SFMBT1: variants seen among roughly 807,000 people sequenced by gnomAD.
The protein encoded by SFMBT1 is scm-like with four MBT domains protein 1.
SFMBT1 carries 32 observed loss-of-function variants against 108.7 expected under a neutral mutation model. That is an observed-to-expected ratio of 0.29 (90% CI 0.22 to 0.40). The LOEUF (loss-of-function observed/expected upper bound fraction) is 0.40. Among genes scored for constraint, SFMBT1 ranks in the 10% least tolerant of loss-of-function variants. The probability of loss-of-function intolerance (pLI) is 1.00; values close to 1 mark genes in which losing one functional copy is unlikely to be tolerated. For missense variants in SFMBT1, 816 were observed against 1,059.6 expected (o/e 0.77, Z 3.19); for synonymous variants, 348 against 369.5 (o/e 0.94, Z 0.67).
At chr3:52,959,135 G>A (rs1703879561) in intron 2 of SFMBT1, among the ~76,000 whole-genome samples, 1 of 151,986 alleles carries the variant, frequency 6.6e-6, no homozygotes, top group South Asian at 2.1e-4. Context: ...AAGGGGGACG[G>A]GGGAGGGAGA....
intron 4 of SFMBT1, among the ~76,000 whole-genome samples, chr3:52,940,713 T>A (rs1229866428): frequency 1.3e-5 from 2 of 152,216 alleles, no homozygotes; most frequent in Admixed American, 6.5e-5. Flanking sequence ...GGTTAAAGTG[T>A]GAAGAGTAAT....
chr3:52,950,281 GT>G (rs1390799927), intron 3 of SFMBT1, among the ~76,000 whole-genome samples: 1 of 151,820 alleles, frequency 6.6e-6, no homozygotes, highest in Admixed American at 6.6e-5. Context: ...GTTTTTAGTA[GT>G]TGCCCTAGAG....
At chr3:52,928,156 C>A (rs1445457110) in intron 9 of SFMBT1, 35 bp downstream of exon 9, 2 of 1,593,844 alleles carry the variant, frequency 1.3e-6, no homozygotes, top group Non-Finnish European at 1.7e-6. Flanking sequence ...AGGAGAAGCT[C>A]TCAAGTGACA....
At position 52,945,137 on chromosome 3, in the gene SFMBT1, A is replaced by G. The variant is rs868152719; in HGVS notation, c.124-1544T>C. 4.2e-5 allele frequency among the ~76,000 whole-genome samples: 4 copies of G among 95,990 alleles called. No individual in the cohort carries two copies. The South Asian group carries it at 1.8e-3, about 43-fold the overall frequency. 63.0% of individuals were successfully genotyped at this position (95,990 alleles called of 152,430 possible). On this transcript the variant is annotated intron_variant, in intron 3 of 20. Coordinates refer to ENST00000394752, the MANE Select transcript of SFMBT1 (RefSeq NM_016329.4). ...GATTTCCAAATACCACCTTCCAATT[A>G]AAAAAAAAAAAAAACAAGGACTTCA...
chr3:52,946,071 A>G (rs1703356469), intron 3 of SFMBT1, among the ~76,000 whole-genome samples: 1 of 152,228 alleles, frequency 6.6e-6, no homozygotes, highest in South Asian at 2.1e-4. Flanking sequence ...TTCCTACAAC[A>G]TTATTACCAA....
At chr3:53,033,769 C>CAAAAAAAAAA (rs538122738) in intron 1 of SFMBT1, among the ~76,000 whole-genome samples, 2 of 107,438 alleles carry the variant, frequency 1.9e-5, no homozygotes, top group Non-Finnish European at 2.1e-5. Context: ...CCAAAAAAGA[C>CAAAAAAAAAA]AAAAAAAAAA....
chr3:52,983,162 C>A (rs1322642466), intron 1 of SFMBT1, among the ~76,000 whole-genome samples: 1 of 152,186 alleles, frequency 6.6e-6, no homozygotes, highest in Non-Finnish European at 1.5e-5. Context: ...GACAGCAACA[C>A]CAACCTCTCC....
At chr3:53,026,425 G>A (rs546173513) in intron 1 of SFMBT1, among the ~76,000 whole-genome samples, 106 of 152,212 alleles carry the variant, frequency 7.0e-4, no homozygotes, top group African/African-American at 1.9e-3. Flanking sequence ...GACAGCAAAC[G>A]ACTCACACGT....
chr3:52,999,128 G>A (rs1160695069), intron 1 of SFMBT1, among the ~76,000 whole-genome samples: 2 of 150,914 alleles, frequency 1.3e-5, no homozygotes, highest in African/African-American at 2.4e-5. Flanking sequence ...CAGTACAAAG[G>A]CCGTCATGGA....
At position 52,943,382 on chromosome 3, in the gene SFMBT1, T is replaced by C. The variant is rs1341145887; in HGVS notation, c.335A>G (p.Gln112Arg). The change falls in exon 4 of 21, where the codon CAG becomes CGG. Residue 112 changes from glutamine (Q) to arginine (R), a missense_variant. Gln to Arg is a conservative substitution (Grantham distance 43). Around this residue, in one of 5 missense-constraint regions of SFMBT1, gnomAD observed 495 missense variants for 607.4 expected, o/e 0.81. Coordinates refer to ENST00000394752, the MANE Select transcript of SFMBT1 (RefSeq NM_016329.4). ...ADLYPIGWCE[Q>R]NKKTLEAPEG... is the part of the protein sequence containing the mutation. Reference sequence around the variant, plus strand: ...TGGGGCTTCAAGGGTCTTCTTATTCTGCTCACACCACCCAATGGGGTAGAG... The same window carrying C: ...TGGGGCTTCAAGGGTCTTCTTATTCCGCTCACACCACCCAATGGGGTAGAG... 4 of 1,614,156 alleles carry C rather than the reference T, an allele frequency of 2.5e-6. No individual in the cohort carries two copies. Among genetic ancestry groups the C allele is most frequent in the Non-Finnish European group, 3.4e-6 (4 of 1,180,052 alleles).
At chr3:52,906,923 A>G (rs896952095) in intron 19 of SFMBT1, 146 bp downstream of exon 19, 5 of 973,280 alleles carry the variant, frequency 5.1e-6, no homozygotes, top group Non-Finnish European at 7.3e-6. Context: ...AAATCACTGC[A>G]TTTGGGGTCA....
At chr3:52,906,636 T>C (rs1702071579) in intron 19 of SFMBT1, among the ~76,000 whole-genome samples, 2 of 152,224 alleles carry the variant, frequency 1.3e-5, no homozygotes, top group African/African-American at 4.8e-5. Flanking sequence ...AAATTGTTCT[T>C]TAGTGTTATA....
At chr3:52,972,489 A>T (rs916341586) in intron 1 of SFMBT1, among the ~76,000 whole-genome samples, 2 of 152,200 alleles carry the variant, frequency 1.3e-5, no homozygotes, top group African/African-American at 4.8e-5. Context: ...GGCGCTTAGT[A>T]TATGAAAATT....
At chr3:52,991,860 T>A (rs765720126) in intron 1 of SFMBT1, among the ~76,000 whole-genome samples, 3 of 152,166 alleles carry the variant, frequency 2.0e-5, no homozygotes, top group Admixed American at 6.5e-5. Flanking sequence ...TTTGGACTTC[T>A]CAGACTCCAG....
chr3:52,998,138 G>A lies in SFMBT1; in HGVS notation c.-130-28880C>T, dbSNP rs375248220. The stretch of plus-strand genomic sequence containing the variant: ...CATAAGAAAAAATGTAGATCAGGTC[G>A]GGCACGGTGGCTCACGCCTGTAATC... On this transcript the variant is annotated intron_variant, in intron 1 of 20. Coordinates refer to ENST00000394752, the MANE Select transcript of SFMBT1 (RefSeq NM_016329.4). Among the ~76,000 whole-genome samples, 42 of 150,310 alleles carry A rather than the reference G, an allele frequency of 2.8e-4. 2 individuals are homozygous for A. The East Asian group carries it at 5.1e-3, about 18-fold the overall frequency.
chr3:52,960,864 C>T (rs374316824), intron 2 of SFMBT1, among the ~76,000 whole-genome samples: 2 of 152,134 alleles, frequency 1.3e-5, no homozygotes, highest in African/African-American at 2.4e-5. Context: ...TGGCCGGGTG[C>T]GGTGGCTCAT....
intron 1 of SFMBT1, among the ~76,000 whole-genome samples, chr3:52,977,351 A>T (rs182691356): frequency 3.9e-5 from 6 of 152,290 alleles, no homozygotes; most frequent in Admixed American, 3.9e-4. Context: ...TCTACTAAAA[A>T]TACAAAAAGA....
At chr3:53,027,072 C>A (rs1699519122) in intron 1 of SFMBT1, among the ~76,000 whole-genome samples, 1 of 152,164 alleles carries the variant, frequency 6.6e-6, no homozygotes, top group African/African-American at 2.4e-5. Context: ...CATGACCCAC[C>A]ATGCCCAACA....
intron 13 of SFMBT1, among the ~76,000 whole-genome samples, chr3:52,917,403 C>T (rs959699745): frequency 1.3e-4 from 19 of 151,478 alleles, no homozygotes; most frequent in African/African-American, 3.9e-4. Flanking sequence ...CGGGGGGTGC[C>T]GGGGAGAGAA....
Sources: allele counts gnomAD v4.1 joint callset (sites outside exome capture counted in the v4.1 genomes callset), GRCh38; gene constraint gnomAD v4.1.1; regional missense constraint gnomAD v4.1.1; transcripts MANE v1.5; gene names NCBI Gene and HGNC (gene_info 2026-07-23, HGNC 2026-07-21).